LTN1: variants seen among roughly 807,000 people sequenced by gnomAD.
LTN1 encodes listerin E3 ubiquitin protein ligase 1.
LTN1 carries 88 observed loss-of-function variants against 201.2 expected under a neutral mutation model. The ratio of observed to expected loss-of-function variants is 0.44; its 90% CI spans 0.37 to 0.52. The LOEUF (loss-of-function observed/expected upper bound fraction) is 0.52. LTN1 is among the 20% of genes least tolerant of loss of function. LTN1 has a pLI of 0.00. For missense variants in LTN1, 1,752 were observed against 2,038.7 expected (o/e 0.86, Z 2.71); for synonymous variants, 645 against 713.5 (o/e 0.90, Z 1.53).
At chr21:28,945,679 A>G in intron 21 of LTN1, 128 bp downstream of exon 21, 1 of 761,312 alleles carries the variant, frequency 1.3e-6, no homozygotes. Flanking sequence ...GAACATCTAT[A>G]AAGTGTTTTA....
At chr21:28,991,605 T>C (rs1434731853) in intron 1 of LTN1, among the ~76,000 whole-genome samples, 1 of 152,228 alleles carries the variant, frequency 6.6e-6, no homozygotes, top group Non-Finnish European at 1.5e-5. Flanking sequence ...GGGATGTCGT[T>C]CTAATATTCT....
intron 1 of LTN1, 143 bp downstream of exon 1, chr21:28,992,621 C>G (rs1478442423): frequency 3.7e-6 from 3 of 813,538 alleles, no homozygotes; most frequent in East Asian, 5.3e-5. Context: ...CTCAGGGACG[C>G]ACACACAACA....
intron 5 of LTN1, 28 bp from the exon 6 acceptor site, chr21:28,981,327 T>C (rs2084657112): frequency 7.7e-7 from 1 of 1,301,132 alleles, no homozygotes; most frequent in Non-Finnish European, 1.0e-6. Flanking sequence ...TAAATATATT[T>C]AAAAATTTAG....
chr21:28,991,665 T>C (rs1272066353), intron 1 of LTN1, among the ~76,000 whole-genome samples: 2 of 152,208 alleles, frequency 1.3e-5, no homozygotes, highest in Non-Finnish European at 2.9e-5. Flanking sequence ...TTTGAGAAAA[T>C]CTGTTAAATA....
At position 28,986,303 on chromosome 21, in the gene LTN1, T is replaced by C; in HGVS notation, c.247-66A>G. 1.0e-6 allele frequency: 1 copy of C among 963,722 alleles called. No individual in the cohort carries two copies. The highest frequency in any genetic ancestry group is 1.6e-6 in the Non-Finnish European group (1 of 615,010). 59.7% of individuals were successfully genotyped at this position (963,722 alleles called of 1,614,324 possible). On this transcript the variant is annotated intron_variant, in intron 2 of 29. Coordinates refer to ENST00000361371, the MANE Select transcript of LTN1 (RefSeq NM_015565.3). This position sits in a 1 kb window ranked among gnomAD's most constrained non-coding sequence, Gnocchi z 4.1. ...AATAACTGGCTATAGATTATTCTGT[T>C]CTGGAAGCTTTGTCTATTTTATGTA...
At chr21:28,971,492 T>C (rs527418943) in intron 6 of LTN1, 48 bp from the exon 7 acceptor site, 1 of 1,545,296 alleles carries the variant, frequency 6.5e-7, no homozygotes, top group South Asian at 1.2e-5. Flanking sequence ...TAAAACTTGA[T>C]AAGATTTTTA....
chr21:28,964,862 G>T, intron 11 of LTN1: 3 of 1,393,994 alleles, frequency 2.2e-6, no homozygotes, highest in Middle Eastern at 4.0e-4. Context: ...TGATAATTTA[G>T]CTCTTCATGT....
At chr21:28,959,387 G>A in intron 13 of LTN1, 71 bp downstream of exon 13, 3 of 1,512,442 alleles carry the variant, frequency 2.0e-6, no homozygotes, top group Non-Finnish European at 2.7e-6. Context: ...AATAAAGCCT[G>A]GGCACTTACA....
rs773524881 is a variant in LTN1 at position 28,970,556 on chromosome 21, C to A, written c.1171G>T (p.Ala391Ser). The A allele has an allele frequency of 6.2e-7, 1 of 1,603,814 alleles. No individual in the cohort carries two copies. Among genetic ancestry groups the A allele is most frequent in the Non-Finnish European group, 8.5e-7 (1 of 1,174,124 alleles). The change falls in exon 8 of 30, where the codon GCT becomes TCT. Residue 391 changes from alanine (A) to serine (S), a missense_variant. Around this residue, in one of 3 missense-constraint regions of LTN1, gnomAD observed 1,211 missense variants for 1,312.8 expected, o/e 0.92. Transcript: ENST00000361371. The stretch of plus-strand genomic sequence containing the variant: ...TCAAAAATTTAAATTACTTACCCAG[C>A]AACTAGAGACGTGAGGAAATTTTTG... ...FFKNFLTSLVAGLSTERTKTS... is the reference protein window; with the variant it reads ...FFKNFLTSLVSGLSTERTKTS...
chr21:28,942,422 C>A (rs926591716), intron 24 of LTN1, among the ~76,000 whole-genome samples: 1 of 152,064 alleles, frequency 6.6e-6, no homozygotes. Flanking sequence ...CCAAATCCCC[C>A]CAAAAAAGTC....
intron 6 of LTN1, among the ~76,000 whole-genome samples, chr21:28,980,048 C>T (rs1485846445): frequency 1.3e-5 from 2 of 152,124 alleles, no homozygotes; most frequent in African/African-American, 2.4e-5. Flanking sequence ...ATCTGAGTCA[C>T]CCACGTGCAC....
Position 28,960,652 on chromosome 21 carries a change from T to C in LTN1, c.2218A>G (p.Ile740Val), listed in dbSNP as rs1393473318. 2 of 1,614,102 alleles carry C rather than the reference T, an allele frequency of 1.2e-6. No homozygotes were observed. Among genetic ancestry groups the C allele is most frequent in the Admixed American group, 1.7e-5 (1 of 60,012 alleles). The change falls in exon 12 of 30, where the codon ATC (isoleucine) becomes GTC (valine). Residue 740 changes from isoleucine (I) to valine (V), a missense_variant. Around this residue, in one of 3 missense-constraint regions of LTN1, gnomAD observed 1,211 missense variants for 1,312.8 expected, o/e 0.92. Transcript: ENST00000361371. The stretch of plus-strand genomic sequence containing the variant: ...AAGTTGACCAATTTCTCACCAAGGA[T>C]ATCGCCTTTGAGCCAAGGAGTTACT... ...ALVTPWLKGDILGEKLVNLAD... is the reference protein window; with the variant it reads ...ALVTPWLKGDVLGEKLVNLAD...
At chr21:28,957,047 G>A (rs1456047132) in intron 15 of LTN1, 99 bp from the exon 16 acceptor site, 2 of 779,428 alleles carry the variant, frequency 2.6e-6, no homozygotes, top group African/African-American at 3.5e-5. Flanking sequence ...CAAAACCACA[G>A]AAACCTAGAA....
At chr21:28,962,933 A>G (rs1221810491) in intron 11 of LTN1, among the ~76,000 whole-genome samples, 2 of 152,246 alleles carry the variant, frequency 1.3e-5, no homozygotes, top group African/African-American at 2.4e-5. Context: ...GAGCCACAAC[A>G]TTCCCTTAAT....
intron 18 of LTN1, among the ~76,000 whole-genome samples, chr21:28,951,279 A>G (rs74904340): frequency 0.025 from 3,839 of 152,322 alleles, 200 homozygotes; most frequent in African/African-American, 0.089. Flanking sequence ...ATGCCAGAAC[A>G]TGTATCTATC....
At position 28,992,840 on chromosome 21, in the gene LTN1, C is replaced by A; in HGVS notation, c.-35G>T. ...TGCAGCTGTACTCTGAGCACTCAGA[C>A]CCCGGTTGACACGTCCGGGACACAA... On this transcript the variant is annotated 5_prime_UTR_variant, in exon 1 of 30. Coordinates refer to ENST00000361371, the MANE Select transcript of LTN1 (RefSeq NM_015565.3). The A allele has an allele frequency of 6.2e-7, 1 of 1,614,164 alleles. No individual in the cohort carries two copies. Among genetic ancestry groups the A allele is most frequent in the Middle Eastern group, 1.6e-4 (1 of 6,062 alleles).
intron 11 of LTN1, among the ~76,000 whole-genome samples, chr21:28,965,104 A>T (rs1385640094): frequency 6.6e-6 from 1 of 152,234 alleles, no homozygotes; most frequent in Non-Finnish European, 1.5e-5. Context: ...ACTGAACTGT[A>T]CATTTAGAAA....
chr21:28,982,431 A>C, intron 4 of LTN1, 63 bp from the exon 5 acceptor site: 1 of 1,194,394 alleles, frequency 8.4e-7, no homozygotes, highest in South Asian at 1.3e-5. Flanking sequence ...GAACAGACAG[A>C]GCCTAGTTAA....
rs747468963 is a variant in LTN1, at chr21:28,965,839, A to G, written c.2163+26T>C. 1.5e-5 allele frequency: 20 copies of G among 1,313,980 alleles called. No individual in the cohort carries two copies. In the East Asian group the frequency reaches 4.6e-4, roughly 30 times the overall value. 81.4% of individuals were successfully genotyped at this position (1,313,980 alleles called of 1,614,324 possible). ...TTCTATTCCCATAAATACAAAAAAAAAAAGAAAAAAAAATCCCTAAGATAC... is the reference window on the plus strand; with the variant it reads ...TTCTATTCCCATAAATACAAAAAAAGAAAGAAAAAAAAATCCCTAAGATAC... On this transcript the variant is annotated intron_variant, in intron 11 of 29. Transcript: ENST00000361371.
Sources: gnomAD v4.1 joint callset for allele counts (sites outside exome capture counted in the v4.1 genomes callset) on GRCh38, gnomAD v4.1.1 for gene constraint, gnomAD v4.1.1 regional missense constraint, Gnocchi (gnomAD v3.1) non-coding constraint, MANE v1.5 for transcripts, NCBI Gene and HGNC (gene_info 2026-07-23, HGNC 2026-07-21) for gene names.